DHRSX: variants seen among roughly 807,000 people sequenced by gnomAD.
DHRSX encodes polyprenol dehydrogenase.
Under a neutral mutation model 34.0 loss-of-function variants are expected in DHRSX, and 31 were observed. The observed-to-expected ratio is 0.91, with a 90% CI of 0.69 to 1.23. The LOEUF (loss-of-function observed/expected upper bound fraction) is 1.23, where lower values mean the gene tolerates loss of function less well. Among genes scored for constraint, DHRSX ranks in the 50% most tolerant of loss-of-function variants. The probability of loss-of-function intolerance (pLI) is 0.00; values close to 1 mark genes in which losing one functional copy is unlikely to be tolerated. For missense variants in DHRSX, 414 were observed against 428.1 expected (o/e 0.97, Z 0.29); for synonymous variants, 201 against 183.8 (o/e 1.09, Z -0.76).
chrX:2,326,506 G>A (rs1435146424), intron 3 of DHRSX, among the ~76,000 whole-genome samples: 4 of 152,098 alleles, frequency 2.6e-5, no homozygotes, highest in Non-Finnish European at 5.9e-5. Context: ...CTGAGTGACA[G>A]AGCGAGACTC....
At chrX:2,259,844 G>A (rs1327686599) in intron 5 of DHRSX, among the ~76,000 whole-genome samples, 2 of 146,230 alleles carry the variant, frequency 1.4e-5, no homozygotes, top group Non-Finnish European at 3.0e-5. Context: ...GAAGGATACC[G>A]GTCAGTGGAT....
intron 4 of DHRSX, among the ~76,000 whole-genome samples, chrX:2,282,708 G>C (rs1327941211): frequency 2.9e-5 from 4 of 139,376 alleles, no homozygotes; most frequent in Admixed American, 2.2e-4. Flanking sequence ...GGGAGAGAGG[G>C]AAGGAAGGAG....
intron 5 of DHRSX, among the ~76,000 whole-genome samples, chrX:2,251,114 G>A (rs889273245): frequency 6.6e-6 from 1 of 152,036 alleles, no homozygotes; most frequent in Non-Finnish European, 1.5e-5. Flanking sequence ...GTCTCATCAC[G>A]CAGCCATGGG....
At position 2,309,448 on chromosome X, in the gene DHRSX, C is replaced by G. The variant is rs778011045; in HGVS notation, c.287-17845G>C. Among the ~76,000 whole-genome samples, 24 of 152,190 alleles carry G rather than the reference C, an allele frequency of 1.6e-4. No homozygotes were observed. The South Asian group carries it at 5.0e-3, about 32-fold the overall frequency. On this transcript the variant is annotated intron_variant, in intron 3 of 6. Transcript: ENST00000334651. ...AATGTAAACTTAAAGAAGTCTTCCACTGAGACATACAAAAGCAAATGTATT... is the reference window on the plus strand; with the variant it reads ...AATGTAAACTTAAAGAAGTCTTCCAGTGAGACATACAAAAGCAAATGTATT...
intron 1 of DHRSX, among the ~76,000 whole-genome samples, chrX:2,491,163 G>A (rs1450897593): frequency 2.8e-5 from 4 of 144,176 alleles, no homozygotes; most frequent in Non-Finnish European, 6.0e-5. Context: ...TCCGCCTCCC[G>A]GGTTCAAGCG....
In DHRSX at chrX:2,267,187, A is replaced by G. The variant is rs140326042; in HGVS notation, c.389-240T>C. Among the ~76,000 whole-genome samples the G allele has an allele frequency of 2.6e-4, 40 of 152,300 alleles. No individual in the cohort carries two copies. The East Asian group carries it at 7.3e-3, about 28-fold the overall frequency. ...TGCACCTCTGTGCCTTGAGTTTAAAAATAATAACCACAGGCCGGGCGCGGT... is the reference window on the plus strand; with the variant it reads ...TGCACCTCTGTGCCTTGAGTTTAAAGATAATAACCACAGGCCGGGCGCGGT... On this transcript the variant is annotated intron_variant, in intron 4 of 6. Transcript: ENST00000334651.
chrX:2,488,631 C>G (rs773835779), intron 1 of DHRSX: 1 of 1,590,250 alleles, frequency 6.3e-7, no homozygotes, highest in African/African-American at 1.4e-5. Context: ...AACACGCTTC[C>G]TCGCTACAGG....
At chrX:2,305,731 A>G (rs1471847907) in intron 3 of DHRSX, among the ~76,000 whole-genome samples, 2 of 151,546 alleles carry the variant, frequency 1.3e-5, no homozygotes, top group African/African-American at 4.9e-5. Context: ...TCAGCAAACT[A>G]ACACAAGAAC....
At chrX:2,481,831 T>C (rs1448169171) in intron 1 of DHRSX, among the ~76,000 whole-genome samples, 2 of 151,812 alleles carry the variant, frequency 1.3e-5, no homozygotes, top group African/African-American at 4.8e-5. Context: ...ACACACACCA[T>C]GGCAGGGCTC....
At chrX:2,253,911 A>G (rs749492410) in intron 5 of DHRSX, among the ~76,000 whole-genome samples, 1 of 152,258 alleles carries the variant, frequency 6.6e-6, no homozygotes, top group East Asian at 1.9e-4. Flanking sequence ...ATACAAAAAA[A>G]TTAGCCGGGT....
At chrX:2,485,775 GGGAGAAAAGGGAGA>G (rs1408169710) in intron 1 of DHRSX, among the ~76,000 whole-genome samples, 1 of 25,816 alleles carries the variant, frequency 3.9e-5, no homozygotes, top group African/African-American at 1.8e-4. Context: ...AAGGAAGGAA[GGGAGAAAAGGGAGA>G]GAAGGGAGAG....
intron 4 of DHRSX, among the ~76,000 whole-genome samples, chrX:2,282,764 G>C (rs2041733866): frequency 2.2e-5 from 2 of 91,064 alleles, no homozygotes; most frequent in Non-Finnish European, 5.1e-5. Flanking sequence ...GAAGAGGGGA[G>C]AAAGCGAGGG....
chrX:2,284,143 T>C (rs1463101927), intron 4 of DHRSX, among the ~76,000 whole-genome samples: 1 of 152,234 alleles, frequency 6.6e-6, no homozygotes, highest in East Asian at 1.9e-4. Context: ...TTTGAATTCA[T>C]TCATTCATTC....
At chrX:2,487,049 T>C (rs2044957658) in intron 1 of DHRSX, 1 of 152,232 alleles carries the variant, frequency 6.6e-6, no homozygotes, top group Non-Finnish European at 1.5e-5. Flanking sequence ...CCGCTGCACG[T>C]AGAATCCAAG....
At chrX:2,329,473 G>A (rs1301521191) in intron 3 of DHRSX, among the ~76,000 whole-genome samples, 5 of 152,168 alleles carry the variant, frequency 3.3e-5, no homozygotes, top group Non-Finnish European at 7.3e-5. Context: ...GACAGTGATG[G>A]TGAAAGCAAT....
At chrX:2,449,710 A>G (rs1453192055) in intron 1 of DHRSX, among the ~76,000 whole-genome samples, 18 of 152,086 alleles carry the variant, frequency 1.2e-4, no homozygotes, top group Non-Finnish European at 1.6e-4. Flanking sequence ...TTGGTTGCCC[A>G]GGCTGTGGTC....
chrX:2,485,231 T>A (rs1443988342), intron 1 of DHRSX, among the ~76,000 whole-genome samples: 1 of 152,056 alleles, frequency 6.6e-6, no homozygotes, highest in African/African-American at 2.4e-5. Flanking sequence ...CTAGAATTAC[T>A]CCTAATGGGA....
chrX:2,234,030 G>A (rs1242606328), intron 6 of DHRSX, among the ~76,000 whole-genome samples: 1 of 152,216 alleles, frequency 6.6e-6, no homozygotes, highest in African/African-American at 2.4e-5. Flanking sequence ...GCTGTTGCAG[G>A]AAATAGCCAC....
At chrX:2,259,365 GATATATATAGAT>G (rs1340706575) in intron 5 of DHRSX, among the ~76,000 whole-genome samples, 6 of 106,328 alleles carry the variant, frequency 5.6e-5, no homozygotes, top group East Asian at 4.2e-4. Context: ...GATAGATATA[GATATATATAGAT>G]ATATATATAG....
Sources: allele counts gnomAD v4.1 joint callset (sites outside exome capture counted in the v4.1 genomes callset), GRCh38; gene constraint gnomAD v4.1.1; transcripts MANE v1.5; gene names NCBI Gene and HGNC (gene_info 2026-07-23, HGNC 2026-07-21).